Variants in KAT6A observed in about 807,000 individuals in gnomAD.
KAT6A encodes the protein lysine acetyltransferase 6A, also known as histone acetyltransferase KAT6A.
KAT6A carries 9 observed loss-of-function variants against 198.4 expected under a neutral mutation model. That is an observed-to-expected ratio of 0.05 (90% CI 0.03 to 0.08). The LOEUF (loss-of-function observed/expected upper bound fraction) is 0.08. Ranked by LOEUF, KAT6A falls within the 10% of genes least tolerant of loss-of-function variation. The pLI, the probability that KAT6A is intolerant of heterozygous loss-of-function variation, is 1.00. For missense variants in KAT6A, 2,077 were observed against 2,509.9 expected (o/e 0.83, Z 3.69); for synonymous variants, 890 against 883.0 (o/e 1.01, Z -0.14).
chr8:42,037,404 T>C (rs919843980), intron 2 of KAT6A, among the ~76,000 whole-genome samples: 8 of 152,086 alleles, frequency 5.3e-5, no homozygotes, highest in Non-Finnish European at 1.0e-4. Flanking sequence ...CACACAAAAA[T>C]AGTAATAATG....
At chr8:41,965,244 A>T (rs1342022487) in intron 8 of KAT6A, among the ~76,000 whole-genome samples, 1 of 152,132 alleles carries the variant, frequency 6.6e-6, no homozygotes, top group African/African-American at 2.4e-5. Flanking sequence ...TGTTGTAATA[A>T]AACTTTATTT....
At chr8:41,957,426 C>A in intron 8 of KAT6A, 1 of 378,278 alleles carries the variant, frequency 2.6e-6, no homozygotes, top group South Asian at 2.0e-5. Context: ...CAAAATCAAA[C>A]TGTCATATCT....
At chr8:42,022,998 A>AG (rs1826624201) in intron 2 of KAT6A, among the ~76,000 whole-genome samples, 2 of 152,232 alleles carry the variant, frequency 1.3e-5, no homozygotes, top group African/African-American at 4.8e-5. Context: ...ACACATACCT[A>AG]GACTGTATAG....
chr8:41,984,392 C>T (rs145466265), intron 3 of KAT6A, among the ~76,000 whole-genome samples: 192 of 152,284 alleles, frequency 1.3e-3, no homozygotes, highest in African/African-American at 4.5e-3. Flanking sequence ...CCACATGGCA[C>T]GGAACTGAAG....
chr8:42,010,509 G>C (rs531215890), intron 2 of KAT6A, among the ~76,000 whole-genome samples: 11 of 152,262 alleles, frequency 7.2e-5, no homozygotes, highest in South Asian at 6.2e-4. Context: ...AAAGATTCAA[G>C]AAAACCCAGA....
intron 5 of KAT6A, among the ~76,000 whole-genome samples, chr8:41,979,950 G>C (rs1824264481): frequency 6.7e-6 from 1 of 150,218 alleles, no homozygotes; most frequent in Non-Finnish European, 1.5e-5. Flanking sequence ...AGTGAGCCAA[G>C]ATCCTGGGCG....
chr8:41,941,093 C>T lies in KAT6A; in HGVS notation c.2788G>A (p.Asp930Asn). 6.2e-7 allele frequency: 1 copy of T among 1,614,238 alleles called. No homozygotes were observed. The highest frequency in any genetic ancestry group is 8.5e-7 in the Non-Finnish European group (1 of 1,180,046). The stretch of plus-strand genomic sequence containing the variant: ...CTCTTGGGAAGGTCAGGTTTCCCGT[C>T]CTGGCTTGGCTGCTCCTCAGAAGCC... ...LVASEEQPSQ[D>N]GKPDLPKRRL... The change falls in exon 15 of 17, where the codon GAC (aspartate) becomes AAC (asparagine). Residue 930 changes from aspartate to asparagine, a missense_variant. Around this residue, in one of 13 missense-constraint regions of KAT6A, gnomAD observed 301 missense variants for 272.2 expected, o/e 1.11. Coordinates refer to ENST00000265713, the MANE Select transcript of KAT6A (RefSeq NM_006766.5).
chr8:41,958,727 C>T (rs1354466175), intron 8 of KAT6A, among the ~76,000 whole-genome samples: 1 of 152,190 alleles, frequency 6.6e-6, no homozygotes, highest in Non-Finnish European at 1.5e-5. Context: ...CATAATCAGA[C>T]ACACTAAAAT....
intron 2 of KAT6A, among the ~76,000 whole-genome samples, chr8:42,046,433 G>A (rs1351867550): frequency 6.6e-6 from 1 of 152,160 alleles, no homozygotes; most frequent in Admixed American, 6.5e-5. Context: ...CTACTTGGGA[G>A]GCTGAGGCAA....
At chr8:41,994,499 A>C (rs1375359120) in intron 2 of KAT6A, among the ~76,000 whole-genome samples, 2 of 151,822 alleles carry the variant, frequency 1.3e-5, no homozygotes, top group African/African-American at 4.8e-5. Flanking sequence ...TATATCTAGA[A>C]TGTTCGTCCC....
intron 2 of KAT6A, among the ~76,000 whole-genome samples, chr8:42,027,281 G>A (rs952014100): frequency 2.6e-5 from 4 of 152,060 alleles, no homozygotes; most frequent in Non-Finnish European, 2.9e-5. Flanking sequence ...TTTGGTATTG[G>A]GATAATGCTG....
intron 16 of KAT6A, among the ~76,000 whole-genome samples, chr8:41,935,967 A>G (rs1457515709): frequency 6.6e-6 from 1 of 152,272 alleles, no homozygotes; most frequent in Non-Finnish European, 1.5e-5. Flanking sequence ...TCACTATATT[A>G]AAAGTATTTG....
intron 2 of KAT6A, among the ~76,000 whole-genome samples, chr8:42,027,550 C>T (rs1336891977): frequency 6.6e-6 from 1 of 152,034 alleles, no homozygotes; most frequent in African/African-American, 2.4e-5. Context: ...GTAATGTATC[C>T]ATTTCCTCTG....
chr8:41,958,536 G>T (rs1428196107), intron 8 of KAT6A, among the ~76,000 whole-genome samples: 1 of 152,162 alleles, frequency 6.6e-6, no homozygotes, highest in Non-Finnish European at 1.5e-5. Context: ...TTTTAAAAAC[G>T]GGAACTTGGT....
At chr8:42,045,934 G>A (rs1404093449) in intron 2 of KAT6A, among the ~76,000 whole-genome samples, 2 of 151,542 alleles carry the variant, frequency 1.3e-5, no homozygotes, top group East Asian at 2.0e-4. Context: ...GCAGTGAGCT[G>A]AGATCACACC....
Position 41,978,774 on chromosome 8 carries a change from A to G in KAT6A, c.911T>C (p.Met304Thr). ...AGGTCGACATATTTGACATATCCAC[A>G]TGCCTATAAAAAAATAAAATTCCAC... ...DPPLTRMPKG[M>T]WICQICRPRK... The change falls in exon 6 of 17, where the codon ATG (methionine) becomes ACG (threonine). Residue 304 changes from methionine to threonine, a missense_variant. By Grantham distance (81) the Met-to-Thr change is moderately conservative. Around this residue, in one of 13 missense-constraint regions of KAT6A, gnomAD observed 89 missense variants for 154.4 expected, o/e 0.58. Coordinates refer to ENST00000265713, the MANE Select transcript of KAT6A (RefSeq NM_006766.5). 6.2e-7 allele frequency: 1 copy of G among 1,612,606 alleles called. No homozygotes were observed. The highest frequency in any genetic ancestry group is 8.5e-7 in the Non-Finnish European group (1 of 1,179,394).
chr8:41,989,923 G>A (rs1824844531), intron 2 of KAT6A, among the ~76,000 whole-genome samples: 1 of 152,144 alleles, frequency 6.6e-6, no homozygotes, highest in African/African-American at 2.4e-5. Context: ...GAGATGAACG[G>A]CTAGTTGTCT....
At chr8:41,946,497 C>CAT in intron 12 of KAT6A, 94 bp downstream of exon 12, 1 of 240,356 alleles carries the variant, frequency 4.2e-6, no homozygotes, top group South Asian at 3.2e-5. Context: ...TATATATACA[C>CAT]ACACACACAC....
At chr8:41,954,191 A>G (rs529652879) in intron 9 of KAT6A, among the ~76,000 whole-genome samples, 58 of 152,354 alleles carry the variant, frequency 3.8e-4, no homozygotes, top group Non-Finnish European at 6.8e-4. Context: ...AGACTAGAGA[A>G]GCAAGTTATT....
Sources: allele counts gnomAD v4.1 joint callset (sites outside exome capture counted in the v4.1 genomes callset), GRCh38; gene constraint gnomAD v4.1.1; regional missense constraint gnomAD v4.1.1; transcripts MANE v1.5; gene names NCBI Gene and HGNC (gene_info 2026-07-23, HGNC 2026-07-21).